SPATA13: variants seen among roughly 807,000 people sequenced by gnomAD.
The protein encoded by SPATA13 is spermatogenesis associated 13, also known as spermatogenesis-associated protein 13.
In SPATA13, 50 loss-of-function variants were observed where a neutral mutation model predicts 104.0. The observed-to-expected ratio is 0.48, with a 90% CI of 0.38 to 0.61. SPATA13 has a LOEUF of 0.61. SPATA13 is among the 20% of genes least tolerant of loss of function. The pLI is 0.00. For missense variants in SPATA13, 1,524 were observed against 1,690.6 expected, an observed-to-expected ratio of 0.90 and a Z score of 1.73; for synonymous variants, 606 against 667.5, an observed-to-expected ratio of 0.91 and a Z score of 1.42.
chr13:24,122,541 C>T, intron 3 of SPATA13: 1 of 1,584,190 alleles, frequency 6.3e-7, no homozygotes, highest in Non-Finnish European at 8.7e-7. Flanking sequence ...CTGGTCAGTG[C>T]CACGCCCTTT....
chr13:23,987,637 A>G (rs902012950), intron 2 of SPATA13, among the ~76,000 whole-genome samples: 16 of 152,168 alleles, frequency 1.1e-4, no homozygotes, highest in African/African-American at 3.9e-4. Context: ...CGGATTTGAA[A>G]AGTTTGGTGT....
intron 3 of SPATA13, among the ~76,000 whole-genome samples, chr13:24,151,643 T>TCAA (rs1882102397): frequency 6.6e-6 from 1 of 152,160 alleles, no homozygotes; most frequent in Admixed American, 6.5e-5. Flanking sequence ...GGTCTGGAAC[T>TCAA]CAACTGTCCA....
chr13:24,297,574 G>A lies in SPATA13; in HGVS notation c.3422G>A (p.Arg1141His), dbSNP rs778704858. The A allele has an allele frequency of 9.9e-6, 16 of 1,614,092 alleles. No individual in the cohort carries two copies. Among genetic ancestry groups the A allele is most frequent in the South Asian group, 7.7e-5 (7 of 91,088 alleles). ...GAGCTTGTGGACCTGGGGGATGGGC[G>A]CGACAAGGACTGCAACCTCAGCGTG... ...EMELVDLGDG[R>H]DKDCNLSVKN... is the part of the protein sequence containing the mutation. The change falls in exon 11 of 13, where the codon CGC (arginine) becomes CAC (histidine). Residue 1141 changes from arginine (R) to histidine (H), a missense_variant. By Grantham distance (29) the Arg-to-His change is conservative. Coordinates refer to ENST00000382108, the MANE Select transcript of SPATA13 (RefSeq NM_001166271.3).
intron 1 of SPATA13, among the ~76,000 whole-genome samples, chr13:24,198,290 G>T (rs915536002): frequency 6.6e-6 from 1 of 152,164 alleles, no homozygotes; most frequent in South Asian, 2.1e-4. Flanking sequence ...ACCGCACCGA[G>T]CCACCTTGTT....
chr13:24,026,590 T>A (rs1877226536), intron 3 of SPATA13, among the ~76,000 whole-genome samples: 1 of 152,060 alleles, frequency 6.6e-6, no homozygotes, highest in African/African-American at 2.4e-5. Context: ...TTTATTTTTA[T>A]TTTTTGAGAC....
At chr13:24,200,494 A>G (rs1184895927) in intron 1 of SPATA13, among the ~76,000 whole-genome samples, 1 of 151,952 alleles carries the variant, frequency 6.6e-6, no homozygotes, top group East Asian at 1.9e-4. Flanking sequence ...TGAATGTCCC[A>G]CCTCGTTCTC....
In SPATA13 at chr13:24,123,623, A is replaced by G. The variant is rs186113299; in HGVS notation, c.-111-99196A>G. 5 of 1,605,596 alleles carry G rather than the reference A, an allele frequency of 3.1e-6. No individual in the cohort carries two copies. In the East Asian group the frequency reaches 1.1e-4, roughly 36 times the overall value. On this transcript the variant is annotated intron_variant, in intron 3 of 14. Coordinates refer to the SPATA13 transcript ENST00000424834. ...AGGCTGTAAACAAAAGTGTCTGGGC[A>G]GCAGTGGTAGGAGAAATGAAATCTT... is the stretch of plus-strand genomic sequence containing the variant.
intron 3 of SPATA13, among the ~76,000 whole-genome samples, chr13:24,053,611 T>G (rs1188030464): frequency 6.6e-6 from 1 of 152,062 alleles, no homozygotes; most frequent in African/African-American, 2.4e-5. Context: ...CTATGGCCAC[T>G]AGATGTCCCA....
At chr13:23,996,707 A>ATTTG (rs1875713071) in intron 2 of SPATA13, among the ~76,000 whole-genome samples, 3 of 152,368 alleles carry the variant, frequency 2.0e-5, no homozygotes, top group African/African-American at 7.2e-5. Flanking sequence ...ATGCACAAGA[A>ATTTG]GCCTTGAGGC....
At chr13:24,055,112 C>T (rs976298983) in intron 3 of SPATA13, among the ~76,000 whole-genome samples, 4 of 152,212 alleles carry the variant, frequency 2.6e-5, no homozygotes, top group African/African-American at 7.2e-5. Flanking sequence ...GAAGGTTGTA[C>T]GCTTTACATA....
chr13:24,137,921 A>T (rs925763404), intron 3 of SPATA13, among the ~76,000 whole-genome samples: 7 of 152,176 alleles, frequency 4.6e-5, no homozygotes, highest in Admixed American at 3.9e-4. Flanking sequence ...ACCCCCAGTG[A>T]TGTTTGATGA....
intron 4 of SPATA13, among the ~76,000 whole-genome samples, chr13:24,257,738 C>T (rs1252379925): frequency 2.0e-5 from 3 of 151,690 alleles, no homozygotes; most frequent in Non-Finnish European, 4.4e-5. Context: ...TACAGTAATA[C>T]GAATTGCTAG....
chr13:24,037,027 G>A (rs4769310), intron 3 of SPATA13, among the ~76,000 whole-genome samples: 53,259 of 151,688 alleles, frequency 0.35, 9,360 homozygotes, highest in East Asian at 0.41. Context: ...GCCCACTTCA[G>A]TCTCCCAAAG....
At chr13:24,270,756 C>T (rs765477119) in intron 4 of SPATA13, 21 of 1,587,950 alleles carry the variant, frequency 1.3e-5, no homozygotes, top group Non-Finnish European at 1.8e-5. Context: ...TTCTGCAGTT[C>T]CCGTAGCTGC....
Position 24,021,771 on chromosome 13 carries a change from G to A in SPATA13, c.-112+4070G>A, listed in dbSNP as rs372819675. On this transcript the variant is annotated intron_variant, in intron 3 of 14. Coordinates refer to the SPATA13 transcript ENST00000424834. ...CTGTCGCCCAGGCTGGAGTGCAGCG[G>A]CATGATCTTGGCTCACTGCAAGCTC... Among the ~76,000 whole-genome samples, 7 of 151,726 alleles carry A rather than the reference G, an allele frequency of 4.6e-5. No individual in the cohort carries two copies. In the South Asian group the frequency reaches 1.5e-3, roughly 32 times the overall value.
intron 2 of SPATA13, among the ~76,000 whole-genome samples, chr13:24,238,445 C>T (rs529066671): frequency 2.8e-4 from 42 of 152,310 alleles, no homozygotes; most frequent in Non-Finnish European, 3.2e-4. Flanking sequence ...GCGTGAGCCA[C>T]TGCCCCCGGC....
intron 3 of SPATA13, among the ~76,000 whole-genome samples, chr13:24,147,453 A>G (rs1429273884): frequency 6.6e-6 from 1 of 152,112 alleles, no homozygotes; most frequent in African/African-American, 2.4e-5. Flanking sequence ...AAGCTTGTCT[A>G]TCCACTCTCT....
chr13:24,224,093 C>G lies in SPATA13; in HGVS notation c.1164C>G (p.Thr388=). The G allele has an allele frequency of 6.4e-7, 1 of 1,551,354 alleles. No individual in the cohort carries two copies. Among genetic ancestry groups the G allele is most frequent in the Non-Finnish European group, 8.7e-7 (1 of 1,146,952 alleles). The change falls in exon 2 of 13, where the codon ACC becomes ACG. Residue 388 remains threonine (T), a synonymous_variant. Coordinates refer to ENST00000382108, the MANE Select transcript of SPATA13 (RefSeq NM_001166271.3). ...TGCATGGGACCACTGCAACCTGCAC[C>G]GTGGCCCCCGGTTTCGGCTCAGCCA... ...AVMHGTTATC[T]VAPGFGSATS... is the part of the protein sequence containing the mutation.
chr13:24,068,255 G>A (rs1879036946), intron 3 of SPATA13, among the ~76,000 whole-genome samples: 1 of 152,094 alleles, frequency 6.6e-6, no homozygotes, highest in African/African-American at 2.4e-5. Context: ...GAGAACATGT[G>A]GTATTTGGTT....
Sources: gnomAD v4.1 joint callset for allele counts (sites outside exome capture counted in the v4.1 genomes callset) on GRCh38, gnomAD v4.1.1 for gene constraint, MANE v1.5 for transcripts, NCBI Gene and HGNC (gene_info 2026-07-23, HGNC 2026-07-21) for gene names.